MED13: variants seen among roughly 807,000 people sequenced by gnomAD.
MED13 encodes the protein mediator complex subunit 13, also known as mediator of RNA polymerase II transcription subunit 13.
In MED13, 23 loss-of-function variants were observed where a neutral mutation model predicts 225.2. The observed-to-expected ratio is 0.10, with a 90% CI of 0.07 to 0.14. The LOEUF is 0.14. MED13 is among the 10% of genes least tolerant of loss of function. MED13 has a pLI of 1.00. For missense variants in MED13, 2,197 were observed against 2,594.5 expected (o/e 0.85, Z 3.33); for synonymous variants, 942 against 889.2 (o/e 1.06, Z -1.06).
At chr17:62,052,488 A>C in intron 3 of MED13, 49 bp downstream of exon 3, 2 of 1,408,994 alleles carry the variant, frequency 1.4e-6, no homozygotes, top group Non-Finnish European at 1.9e-6. Context: ...TAAGACACAA[A>C]AAGGAACAAA....
chr17:62,064,383 T>C (rs2081064653), intron 1 of MED13, among the ~76,000 whole-genome samples: 2 of 152,260 alleles, frequency 1.3e-5, no homozygotes, highest in Middle Eastern at 3.4e-3. Context: ...TCCATTTCAA[T>C]CAAACAAGGG....
At chr17:62,057,886 G>C (rs1603410364) in intron 2 of MED13, among the ~76,000 whole-genome samples, 1 of 152,102 alleles carries the variant, frequency 6.6e-6, no homozygotes, top group African/African-American at 2.4e-5. Flanking sequence ...AACTTGCTAT[G>C]ATTTTTTTAA....
chr17:61,972,069 C>T (rs2080115063), intron 17 of MED13, among the ~76,000 whole-genome samples: 1 of 152,084 alleles, frequency 6.6e-6, no homozygotes, highest in Non-Finnish European at 1.5e-5. Context: ...AAAATATAGG[C>T]AAATCTACTA....
intron 15 of MED13, 137 bp from the exon 16 acceptor site, chr17:61,983,251 C>G (rs1323132637): frequency 5.9e-6 from 4 of 682,988 alleles, no homozygotes; most frequent in Non-Finnish European, 9.3e-6. Context: ...GCAAGAATTA[C>G]AAGCACAGTC....
chr17:62,049,930 C>CAAAAAAAAAAAAAAA (rs544006035), intron 3 of MED13, among the ~76,000 whole-genome samples: 49 of 96,072 alleles, frequency 5.1e-4, no homozygotes, highest in East Asian at 1.3e-3. Context: ...GCTCTGTCTC[C>CAAAAAAAAAAAAAAA]AAAAAAAAAA....
At chr17:61,961,551 AGTCATTGAACTTCG>A in intron 22 of MED13, 23 bp downstream of exon 22, 2 of 1,300,400 alleles carry the variant, frequency 1.5e-6, no homozygotes. Flanking sequence ...AGGTATGTAT[AGTCATTGAACTTCG>A]GTCATGAAAA....
At chr17:62,028,035 G>A (rs1227181979) in intron 8 of MED13, among the ~76,000 whole-genome samples, 1 of 152,134 alleles carries the variant, frequency 6.6e-6, no homozygotes, top group African/African-American at 2.4e-5. Flanking sequence ...ATCCGACCCA[G>A]CAACCCCATT....
chr17:62,023,219 T>C (rs2080666864), intron 8 of MED13, among the ~76,000 whole-genome samples: 1 of 152,186 alleles, frequency 6.6e-6, no homozygotes, highest in African/African-American at 2.4e-5. Flanking sequence ...TATGAATTTT[T>C]TTTCTTCCCA....
chr17:61,988,209 T>C (rs550745987), intron 11 of MED13, among the ~76,000 whole-genome samples: 5 of 152,112 alleles, frequency 3.3e-5, no homozygotes, highest in African/African-American at 9.7e-5. Flanking sequence ...TAAAATGTAA[T>C]AGAATGTTGG....
At chr17:61,964,232 A>G (rs115115616) in intron 20 of MED13, among the ~76,000 whole-genome samples, 1,953 of 152,344 alleles carry the variant, frequency 0.013, 40 homozygotes, top group African/African-American at 0.044. Context: ...CTAGAATTCT[A>G]TGATACTTTA....
intron 4 of MED13, among the ~76,000 whole-genome samples, chr17:62,034,192 T>A (rs1050452262): frequency 6.6e-6 from 1 of 152,170 alleles, no homozygotes; most frequent in South Asian, 2.1e-4. Flanking sequence ...TGTTAAAAAT[T>A]TGTCTGCCCA....
chr17:62,016,228 C>CT (rs200750742), intron 8 of MED13, among the ~76,000 whole-genome samples: 10 of 147,586 alleles, frequency 6.8e-5, no homozygotes, highest in East Asian at 2.0e-4. Flanking sequence ...AATCCCTTCT[C>CT]TTTTTTTTTC....
intron 1 of MED13, 45 bp from the exon 2 acceptor site, chr17:62,063,346 A>G (rs1235643610): frequency 9.8e-6 from 12 of 1,228,662 alleles, no homozygotes; most frequent in Non-Finnish European, 1.3e-5. Context: ...ATATTCACTC[A>G]AAGTCAAAAG....
intron 10 of MED13, among the ~76,000 whole-genome samples, chr17:61,992,982 G>A (rs2080313459): frequency 6.6e-6 from 1 of 151,990 alleles, no homozygotes; most frequent in Non-Finnish European, 1.5e-5. Context: ...GGCCAGGATG[G>A]TCTCAATCTC....
chr17:62,026,437 A>G (rs1048252623), intron 8 of MED13, among the ~76,000 whole-genome samples: 1 of 151,372 alleles, frequency 6.6e-6, no homozygotes. Flanking sequence ...AAAGAATGTT[A>G]TAAGAAATTA....
intron 9 of MED13, among the ~76,000 whole-genome samples, chr17:61,999,056 A>G (rs1258192520): frequency 2.6e-5 from 4 of 152,090 alleles, no homozygotes; most frequent in Non-Finnish European, 5.9e-5. Flanking sequence ...GACTTACTTA[A>G]AAGATTTAGA....
At chr17:62,006,460 GTTGCC>G (rs1229746642) in intron 9 of MED13, 1 of 152,100 alleles carries the variant, frequency 6.6e-6, no homozygotes. Flanking sequence ...TTTAGGAATG[GTTGCC>G]TTCCCTTCCA....
At chr17:62,026,541 A>T (rs1483728224) in intron 8 of MED13, among the ~76,000 whole-genome samples, 1 of 151,954 alleles carries the variant, frequency 6.6e-6, no homozygotes, top group Admixed American at 6.6e-5. Flanking sequence ...ACAAGATAAG[A>T]ATGCCTCCTC....
intron 23 of MED13, among the ~76,000 whole-genome samples, chr17:61,957,073 G>A (rs2079951944): frequency 6.6e-6 from 1 of 152,044 alleles, no homozygotes; most frequent in Non-Finnish European, 1.5e-5. Context: ...TTTTGATGGA[G>A]TCTCACTCTG....
Sources: allele counts gnomAD v4.1 joint callset (sites outside exome capture counted in the v4.1 genomes callset), GRCh38; gene constraint gnomAD v4.1.1; transcripts MANE v1.5; gene names NCBI Gene and HGNC (gene_info 2026-07-23, HGNC 2026-07-21).